TMEM67: variants seen among roughly 807,000 people sequenced by gnomAD.
The protein encoded by TMEM67 is meckelin.
Under a neutral mutation model 136.6 loss-of-function variants are expected in TMEM67, and 124 were observed. That is an observed-to-expected ratio of 0.91 (90% CI 0.78 to 1.05). The LOEUF (loss-of-function observed/expected upper bound fraction) is 1.05. TMEM67 is among the 50% of genes least tolerant of loss of function. The pLI, the probability that TMEM67 is intolerant of heterozygous loss-of-function variation, is 0.00. For synonymous variants in TMEM67, 364 were observed against 390.5 expected (o/e 0.93, Z 0.80); for missense variants, 1,107 against 1,178.4 (o/e 0.94, Z 0.89).
chr8:93,780,485 C>T (rs1007736364), intron 7 of TMEM67, 108 bp from the exon 8 acceptor site: 1 of 1,215,462 alleles, frequency 8.2e-7, no homozygotes, highest in African/African-American at 1.5e-5. Flanking sequence ...GGAGCTGTTC[C>T]TACTCGGCCA....
intron 25 of TMEM67, 100 bp downstream of exon 25, chr8:93,809,261 A>C (rs1204261910): frequency 3.9e-6 from 3 of 763,818 alleles, no homozygotes; most frequent in Non-Finnish European, 7.0e-6. Flanking sequence ...CAAGTCAGTA[A>C]ACTTAGAACC....
At chr8:93,755,247 T>G in intron 1 of TMEM67, 110 bp downstream of exon 1, 1 of 1,090,318 alleles carries the variant, frequency 9.2e-7, no homozygotes, top group East Asian at 2.4e-5. Flanking sequence ...CTCGAACTTC[T>G]GACCTCAGGT....
At chr8:93,829,162 A>C in the TMEM67 span, among the ~76,000 whole-genome samples, 1 of 152,164 alleles carries the variant, frequency 6.6e-6, no homozygotes, top group Non-Finnish European at 1.5e-5. Flanking sequence ...GGAGGAAAAT[A>C]GGCTCTTCTT....
chr8:93,819,281 G>A (rs1318582069), downstream of TMEM67: 1 of 415,096 alleles, frequency 2.4e-6, no homozygotes, highest in Non-Finnish European at 4.7e-6. Context: ...TTCTGAGCCT[G>A]CCTTCTTCCT....
At chr8:93,776,129 T>A (rs1287624449) in intron 7 of TMEM67, among the ~76,000 whole-genome samples, 1 of 152,134 alleles carries the variant, frequency 6.6e-6, no homozygotes, top group East Asian at 1.9e-4. Context: ...TGAATGGGAG[T>A]TCACTCATGA....
intron 2 of TMEM67, chr8:93,756,848 G>C (rs982052984): frequency 6.6e-6 from 1 of 152,040 alleles, no homozygotes; most frequent in African/African-American, 2.4e-5. Context: ...GGCTGAGCCT[G>C]GTGGATCATG....
chr8:93,763,864 A>T lies in TMEM67; in HGVS notation c.429A>T (p.Thr143=), dbSNP rs917693730. 2.5e-6 allele frequency: 4 copies of T among 1,613,588 alleles called. No individual in the cohort carries two copies. In the African/African-American group the frequency reaches 5.3e-5, roughly 22 times the overall value. Reference sequence around the variant, plus strand: ...CAGTGGAAAGAGACATTAATGGAACATTGTTGTCTCAAGCAACTTGTGAGC... The same window carrying T: ...CAGTGGAAAGAGACATTAATGGAACTTTGTTGTCTCAAGCAACTTGTGAGC... ...HILVERDING[T]LLSQATCELC... The change falls in exon 4 of 28, where the codon ACA becomes ACT. Residue 143 remains threonine (T), a synonymous_variant. Transcript: ENST00000453321.
chr8:93,788,391 C>T (rs1240999711), intron 14 of TMEM67, among the ~76,000 whole-genome samples: 10 of 152,094 alleles, frequency 6.6e-5, no homozygotes, highest in Non-Finnish European at 8.8e-5. Context: ...GGTGAAACCC[C>T]GTCTTTACTG....
At chr8:93,789,601 C>T (rs1383367245) in intron 14 of TMEM67, among the ~76,000 whole-genome samples, 1 of 149,780 alleles carries the variant, frequency 6.7e-6, no homozygotes, top group African/African-American at 2.5e-5. Flanking sequence ...GCCGAGAGCA[C>T]GCCATTGCAC....
At chr8:93,779,172 A>G (rs1813694409) in intron 7 of TMEM67, among the ~76,000 whole-genome samples, 1 of 152,154 alleles carries the variant, frequency 6.6e-6, no homozygotes, top group African/African-American at 2.4e-5. Context: ...TGCATGCATC[A>G]CATAGTTCTT....
rs2130727807 is a variant in TMEM67 at position 93,795,493 on chromosome 8, C to T, written c.1759C>T (p.Leu587Phe). ...CACAGTGGGAACAGGTCTTTACTGG[C>T]TTATTTTCTTCAAAGTGAGTGAGTT... Reference protein sequence around the residue: ...IITVGTGLYWLIFFKAQKSVS... With the variant: ...IITVGTGLYWFIFFKAQKSVS... The change falls in exon 17 of 28, where the codon CTT becomes TTT. Residue 587 changes from leucine (L) to phenylalanine (F), a missense_variant. Leu to Phe is a conservative substitution (Grantham distance 22, BLOSUM62 0). This residue lies in a region of TMEM67 where 925 missense variants were observed against 1,002.4 expected (regional missense o/e 0.92). Transcript: ENST00000453321. The T allele has an allele frequency of 6.2e-7, 1 of 1,613,288 alleles. No homozygotes were observed. Among genetic ancestry groups the T allele is most frequent in the Non-Finnish European group, 8.5e-7 (1 of 1,179,372 alleles).
chr8:93,780,450 T>A (rs933755753), intron 7 of TMEM67, 143 bp from the exon 8 acceptor site: 19 of 843,340 alleles, frequency 2.3e-5, no homozygotes, highest in Middle Eastern at 7.0e-4. Context: ...GCCTTCTGCG[T>A]TGATTATGCT....
At chr8:93,781,625 T>G (rs1482845464) in intron 9 of TMEM67, 33 bp from the exon 10 acceptor site, 1 of 1,082,330 alleles carries the variant, frequency 9.2e-7, no homozygotes, top group African/African-American at 1.6e-5. Context: ...TTTCAGAGTA[T>G]TTGACCTGAT....
intron 7 of TMEM67, among the ~76,000 whole-genome samples, chr8:93,773,162 A>C (rs988836315): frequency 5.9e-5 from 9 of 152,196 alleles, no homozygotes; most frequent in African/African-American, 2.2e-4. Flanking sequence ...TGAGCCATGT[A>C]AACATCAAGG....
intron 14 of TMEM67, among the ~76,000 whole-genome samples, chr8:93,790,597 C>A (rs1463544554): frequency 6.6e-6 from 1 of 152,230 alleles, no homozygotes; most frequent in Non-Finnish European, 1.5e-5. Context: ...CATTTCCCAA[C>A]CATTTATTCT....
At chr8:93,763,724 G>A (rs112546777) in intron 3 of TMEM67, 118 bp from the exon 4 acceptor site, 68 of 717,502 alleles carry the variant, frequency 9.5e-5, no homozygotes, top group Middle Eastern at 9.0e-4. Context: ...CAAATAAAGT[G>A]TTTTGAGAAT....
intron 7 of TMEM67, 64 bp from the exon 8 acceptor site, chr8:93,780,528 TA>T: frequency 6.2e-7 from 1 of 1,602,362 alleles, no homozygotes; most frequent in Non-Finnish European, 8.5e-7. Flanking sequence ...GTAAAATTTT[TA>T]TATCAACTTT....
At chr8:93,827,919 A>AT in the TMEM67 span, among the ~76,000 whole-genome samples, 6 of 152,110 alleles carry the variant, frequency 3.9e-5, no homozygotes, top group Admixed American at 6.5e-5. Context: ...TCCTCATAAA[A>AT]AGGAATAAAC....
At chr8:93,781,543 A>G in intron 9 of TMEM67, 115 bp from the exon 10 acceptor site, 2 of 539,484 alleles carry the variant, frequency 3.7e-6, no homozygotes, top group Non-Finnish European at 6.6e-6. Context: ...CAAAATAAAG[A>G]TAATTGAATG....
Sources: allele counts gnomAD v4.1 joint callset (sites outside exome capture counted in the v4.1 genomes callset), GRCh38; gene constraint gnomAD v4.1.1; regional missense constraint gnomAD v4.1.1; transcripts MANE v1.5; gene names NCBI Gene and HGNC (gene_info 2026-07-23, HGNC 2026-07-21).